The following NBPF12 variants were observed in gnomAD, a reference collection of about 807,000 sequenced individuals.
NBPF12 encodes the protein NBPF family member NBPF12.
NBPF12 carries 115 observed loss-of-function variants against 146.4 expected under a neutral mutation model. The observed-to-expected ratio is 0.79, with a 90% CI of 0.68 to 0.92. The LOEUF (loss-of-function observed/expected upper bound fraction) is 0.92. NBPF12 is among the 40% of genes least tolerant of loss of function. The pLI is 0.00. For missense variants in NBPF12, 1,205 were observed against 1,326.8 expected (o/e 0.91, Z 1.43); for synonymous variants, 385 against 508.9 (o/e 0.76, Z 3.28).
intron 2 of NBPF12, chr1:146,957,125 GC>G (rs1174524406): frequency 7.1e-5 from 7 of 99,152 alleles, no homozygotes; most frequent in Admixed American, 4.2e-4. Context: ...TCTATCCCTG[GC>G]CCCCAGCCCA....
chr1:146,968,876 C>G (rs1367304894), intron 10 of NBPF12, among the ~76,000 whole-genome samples: 6 of 151,284 alleles, frequency 4.0e-5, no homozygotes, highest in African/African-American at 1.2e-4. Context: ...CACGACCCCA[C>G]TTACCCTTAG....
In NBPF12 at chr1:146,966,729, C is replaced by G. The variant is rs2101861935; in HGVS notation, c.988+56C>G. 1.2e-5 allele frequency: 12 copies of G among 994,346 alleles called. No individual in the cohort carries two copies. In the South Asian group the frequency reaches 1.4e-4, roughly 12 times the overall value. 61.6% of individuals were successfully genotyped at this position (994,346 alleles called of 1,614,324 possible). A position where few individuals can be genotyped will look rare whatever the true frequency, so the allele number is the denominator to read the frequency against. The stretch of plus-strand genomic sequence containing the variant: ...TGATGAACAACGTCCTGTCTTCTCT[C>G]TGAGAAACTAAGTGCTCTCTCCATC... On this transcript the variant is annotated intron_variant, in intron 9 of 33. Coordinates refer to ENST00000617844, the Ensembl canonical transcript of NBPF12.
intron 19 of NBPF12, among the ~76,000 whole-genome samples, chr1:146,980,849 T>TA (rs1657325769): frequency 1.4e-5 from 2 of 142,056 alleles, no homozygotes; most frequent in Non-Finnish European, 3.0e-5. Context: ...ATTGTGGCAC[T>TA]ATTCACAATA....
chr1:146,965,753 C>A (rs1570847557), intron 8 of NBPF12, among the ~76,000 whole-genome samples: 4 of 133,336 alleles, frequency 3.0e-5, no homozygotes, highest in South Asian at 4.8e-4. Flanking sequence ...GATTGTGGCA[C>A]TGCACTCCAG....
At position 146,992,470 on chromosome 1, in the gene NBPF12, G is replaced by C. The variant is rs1322202791; in HGVS notation, c.3849-242G>C. ...TCTCTCTCTCTCTCTCTCTGTGTGTGTGTGTGTGTGTGTGTGTGTGTGTGT... is the reference window on the plus strand; with the variant it reads ...TCTCTCTCTCTCTCTCTCTGTGTGTCTGTGTGTGTGTGTGTGTGTGTGTGT... On this transcript the variant is annotated intron_variant, in intron 31 of 33. Transcript: ENST00000617844. Among the ~76,000 whole-genome samples the C allele has an allele frequency of 3.8e-3, 325 of 85,242 alleles. 1 individual carries two copies. Among genetic ancestry groups the C allele is most frequent in the African/African-American group, 4.9e-3 (92 of 18,684 alleles). 55.9% of individuals were successfully genotyped at this position (85,242 alleles called of 152,430 possible). A position where few individuals can be genotyped will look rare whatever the true frequency, so the allele number is the denominator to read the frequency against.
At chr1:146,970,803 G>T in intron 12 of NBPF12, 84 bp downstream of exon 15, 3 of 1,167,240 alleles carry the variant, frequency 2.6e-6, no homozygotes, top group East Asian at 4.7e-5. Context: ...CATCTATGAT[G>T]GGCCAAAAGC....
chr1:146,974,061 A>G (rs1482165479), intron 14 of NBPF12, among the ~76,000 whole-genome samples: 7 of 150,834 alleles, frequency 4.6e-5, no homozygotes, highest in African/African-American at 1.2e-4. Context: ...TGCTGCAATG[A>G]ATTACATCAG....
rs1230002893 is a variant in NBPF12, at chr1:146,984,921, G to A, written c.2775G>A (p.Gln925=). The change falls in exon 22 of 34, where the codon CAG becomes CAA. Residue 925 remains glutamine, a synonymous_variant. Transcript: ENST00000617844. ...ATCTTGGACTGACTGACTCATGCCA[G>A]CCCTACAGAAGTGCCTTTTACGTAT... 3.1e-6 allele frequency: 5 copies of A among 1,589,896 alleles called. No individual in the cohort carries two copies. In the East Asian group the frequency reaches 9.0e-5, roughly 29 times the overall value.
chr1:146,956,580 A>G (rs1280400691), intron 2 of NBPF12, among the ~76,000 whole-genome samples: 2 of 152,000 alleles, frequency 1.3e-5, no homozygotes, highest in African/African-American at 4.8e-5. Flanking sequence ...ATTCAATAAA[A>G]CATAATAGAG....
intron 7 of NBPF12, 27 bp downstream of exon 10, chr1:146,964,456 A>C: frequency 6.3e-7 from 1 of 1,595,954 alleles, no homozygotes; most frequent in South Asian, 1.1e-5. Flanking sequence ...AGGAGCAAGT[A>C]ATGGGTGGTA....
At chr1:146,939,041 T>G (rs1654657933) in intron 1 of NBPF12, 29 bp downstream of exon 1, 7 of 152,184 alleles carry the variant, frequency 4.6e-5, no homozygotes, top group Admixed American at 2.0e-4. Context: ...GGCGCACAGC[T>G]GGGCTGAGGC....
At position 146,992,475 on chromosome 1, in the gene NBPF12, TG is replaced by T. The variant is rs1658252259; in HGVS notation, c.3849-236del. 4.7e-5 allele frequency among the ~76,000 whole-genome samples: 6 copies of T among 127,022 alleles called. 1 individual carries two copies. The highest frequency in any genetic ancestry group is 1.8e-4 in the African/African-American group (6 of 33,122). 83.3% of individuals were successfully genotyped at this position (127,022 alleles called of 152,430 possible). On this transcript the variant is annotated intron_variant, in intron 31 of 33. Coordinates refer to ENST00000617844, the Ensembl canonical transcript of NBPF12. ...CTCTCTCTCTCTCTGTGTGTGTGTG[TG>T]TGTGTGTGTGTGTGTGTGTGTGTGT...
intron 1 of NBPF12, among the ~76,000 whole-genome samples, 173 bp from the exon 5 acceptor site, chr1:146,951,175 G>A (rs1358647731): frequency 6.6e-6 from 1 of 152,106 alleles, no homozygotes; most frequent in Non-Finnish European, 1.5e-5. Flanking sequence ...TGGGATTCAG[G>A]AAGGAGTTTA....
intron 17 of NBPF12, 73 bp downstream of exon 20, chr1:146,977,074 G>A: frequency 1.6e-6 from 1 of 633,606 alleles, no homozygotes; most frequent in African/African-American, 1.9e-5. Context: ...CACCCTCTCT[G>A]GCATGTATGA....
chr1:146,980,260 C>G (rs1407323717), intron 19 of NBPF12, among the ~76,000 whole-genome samples: 6 of 152,166 alleles, frequency 3.9e-5, no homozygotes, highest in Admixed American at 1.3e-4. Context: ...GGTCTTGACT[C>G]TTTATCCAAT....
chr1:146,948,800 G>C (rs1372731270), upstream of NBPF12, among the ~76,000 whole-genome samples: 3 of 151,452 alleles, frequency 2.0e-5, no homozygotes, highest in African/African-American at 7.4e-5. Context: ...ATAAGAGGAA[G>C]GCGTCTGTCT....
intron 8 of NBPF12, 22 bp downstream of exon 11, chr1:146,965,126 T>C: frequency 7.8e-7 from 1 of 1,288,158 alleles, no homozygotes; most frequent in Non-Finnish European, 1.1e-6. Flanking sequence ...TTTCCTTGTG[T>C]CTCATACCTC....
At chr1:146,963,413 A>C in intron 6 of NBPF12, 104 bp downstream of exon 9, 1 of 1,603,262 alleles carries the variant, frequency 6.2e-7, no homozygotes, top group Admixed American at 1.7e-5. Flanking sequence ...GTTTTTTTCT[A>C]CTACACATAT....
At chr1:146,963,331 A>G in intron 6 of NBPF12, 22 bp downstream of exon 9, 3 of 1,611,472 alleles carry the variant, frequency 1.9e-6, no homozygotes, top group Non-Finnish European at 2.5e-6. Flanking sequence ...ATAGGCCCTG[A>G]TGACCCAAAA....
Sources: allele counts gnomAD v4.1 joint callset (sites outside exome capture counted in the v4.1 genomes callset), GRCh38; gene constraint gnomAD v4.1.1; transcripts MANE v1.5; gene names NCBI Gene and HGNC (gene_info 2026-07-23, HGNC 2026-07-21).